CDC42SE2: variants seen among roughly 807,000 people sequenced by gnomAD.
CDC42SE2 encodes the protein CDC42 small effector 2.
A neutral mutation model predicts 11.5 loss-of-function variants in CDC42SE2; 3 were observed. The ratio of observed to expected loss-of-function variants is 0.26; its 90% CI spans 0.12 to 0.67. The LOEUF is 0.67. Among genes scored for constraint, CDC42SE2 ranks in the 30% least tolerant of loss-of-function variants. The pLI is 0.80. For missense variants in CDC42SE2, 82 were observed against 106.8 expected, an observed-to-expected ratio of 0.77 and a Z score of 1.02; for synonymous variants, 33 against 34.8, an observed-to-expected ratio of 0.95 and a Z score of 0.18.
At chr5:131,293,240 C>G (rs1757499103) in intron 1 of CDC42SE2, among the ~76,000 whole-genome samples, 1 of 152,148 alleles carries the variant, frequency 6.6e-6, no homozygotes, top group African/African-American at 2.4e-5. Context: ...TACCCTTCTA[C>G]CATGTGAAGA....
chr5:131,278,728 C>CT (rs1757162050), intron 1 of CDC42SE2, among the ~76,000 whole-genome samples: 2 of 4,940 alleles, frequency 4.0e-4, no homozygotes, highest in Admixed American at 1.3e-3. Context: ...TCCCCTCCCC[C>CT]CTCCCCTCCC....
intron 2 of CDC42SE2, among the ~76,000 whole-genome samples, chr5:131,323,761 A>T (rs1456373309): frequency 6.6e-6 from 1 of 152,078 alleles, no homozygotes; most frequent in Non-Finnish European, 1.5e-5. Flanking sequence ...ATTTTACTTT[A>T]CATGAGAGGA....
chr5:131,326,549 G>A (rs1336927874), intron 2 of CDC42SE2, among the ~76,000 whole-genome samples: 1 of 152,028 alleles, frequency 6.6e-6, no homozygotes, highest in Non-Finnish European at 1.5e-5. Context: ...CAATATATCT[G>A]CTTATACTGT....
chr5:131,334,766 G>C (rs1758512581), intron 2 of CDC42SE2, among the ~76,000 whole-genome samples: 1 of 152,170 alleles, frequency 6.6e-6, no homozygotes, highest in Admixed American at 6.5e-5. Context: ...GGTGTTTATA[G>C]TATTCTCTGA....
At chr5:131,309,024 A>T (rs1034736244) in intron 1 of CDC42SE2, among the ~76,000 whole-genome samples, 14 of 150,700 alleles carry the variant, frequency 9.3e-5, no homozygotes, top group Non-Finnish European at 1.6e-4. Flanking sequence ...GTCTTGTGCC[A>T]GTTTTCAAAG....
intron 2 of CDC42SE2, among the ~76,000 whole-genome samples, chr5:131,350,208 C>T (rs1160748102): frequency 2.0e-5 from 3 of 151,730 alleles, no homozygotes; most frequent in Admixed American, 2.0e-4. Context: ...CAACAAGAAA[C>T]GTATAATTTA....
intron 2 of CDC42SE2, among the ~76,000 whole-genome samples, chr5:131,350,168 T>C (rs1179859540): frequency 6.6e-6 from 1 of 152,008 alleles, no homozygotes; most frequent in Non-Finnish European, 1.5e-5. Flanking sequence ...ATGTAGCAAA[T>C]GAGCAATAAT....
chr5:131,283,603 C>A (rs1480552376), intron 1 of CDC42SE2, among the ~76,000 whole-genome samples: 1 of 151,858 alleles, frequency 6.6e-6, no homozygotes, highest in African/African-American at 2.4e-5. Flanking sequence ...AAGTGATTCT[C>A]CTGCCTCAGC....
chr5:131,220,814 T>A, the CDC42SE2 span, among the ~76,000 whole-genome samples: 1 of 151,960 alleles, frequency 6.6e-6, no homozygotes, highest in African/African-American at 2.4e-5. Context: ...TTGACCACAT[T>A]TCCAAGTCCT....
intron 2 of CDC42SE2, among the ~76,000 whole-genome samples, chr5:131,258,107 C>G (rs1473263693): frequency 6.6e-6 from 1 of 152,186 alleles, no homozygotes. Context: ...ATACTCAACT[C>G]AAGATCCATT....
At chr5:131,351,415 C>G (rs1020421463) in intron 2 of CDC42SE2, among the ~76,000 whole-genome samples, 3 of 152,096 alleles carry the variant, frequency 2.0e-5, no homozygotes, top group African/African-American at 7.3e-5. Context: ...CCACCACGCC[C>G]AGCAAATTTT....
chr5:131,376,350 G>C (rs528553522), intron 3 of CDC42SE2, among the ~76,000 whole-genome samples: 12 of 152,170 alleles, frequency 7.9e-5, no homozygotes, highest in Non-Finnish European at 1.6e-4. Flanking sequence ...TCCCAGATTT[G>C]AAGGGAAGGT....
intron 1 of CDC42SE2, among the ~76,000 whole-genome samples, chr5:131,287,453 G>T (rs1292106371): frequency 1.3e-5 from 2 of 151,232 alleles, no homozygotes; most frequent in Non-Finnish European, 3.0e-5. Context: ...GATGTTTGTA[G>T]AATTTTTTTT....
In CDC42SE2 at chr5:131,281,090, A is replaced by T. The variant is rs577659739; in HGVS notation, c.-455+16924A>T. On this transcript the variant is annotated intron_variant, in intron 1 of 4. Coordinates refer to ENST00000505065, the MANE Select transcript of CDC42SE2 (RefSeq NM_001375635.1). ...TAGCAATTGTAAAAGCAAATCAAAG[A>T]TCCTTTAAGGATTTTTCCTTGATCA... 5.3e-5 allele frequency among the ~76,000 whole-genome samples: 8 copies of T among 152,310 alleles called. No homozygotes were observed. In the South Asian group the frequency reaches 1.7e-3, roughly 32 times the overall value.
intron 2 of CDC42SE2, among the ~76,000 whole-genome samples, chr5:131,323,549 T>G (rs930662254): frequency 3.2e-4 from 4 of 12,516 alleles, no homozygotes; most frequent in Admixed American, 8.9e-4. Flanking sequence ...TCTCTCTGGT[T>G]TTTTTTTTTT....
chr5:131,334,317 C>G (rs1311425004), intron 2 of CDC42SE2, among the ~76,000 whole-genome samples: 2 of 152,180 alleles, frequency 1.3e-5, no homozygotes, highest in Non-Finnish European at 2.9e-5. Context: ...AGGAAGCCCA[C>G]TTGATCATGG....
chr5:131,280,343 A>G (rs1290182776), intron 1 of CDC42SE2, among the ~76,000 whole-genome samples: 2 of 152,236 alleles, frequency 1.3e-5, no homozygotes, highest in African/African-American at 2.4e-5. Context: ...TTTGATGAAC[A>G]TCCTTCCAGA....
the CDC42SE2 span, among the ~76,000 whole-genome samples, chr5:131,235,367 G>T: frequency 6.7e-6 from 1 of 149,316 alleles, no homozygotes; most frequent in Admixed American, 6.7e-5. Flanking sequence ...TCGGCTCACT[G>T]CAACCTCTGC....
chr5:131,392,732 G>GTTTC lies in CDC42SE2; in HGVS notation c.*1645_*1648dup, dbSNP rs1288649858. The GTTTC allele has an allele frequency of 2.6e-5, 4 of 152,354 alleles. No individual in the cohort carries two copies. The highest frequency in any genetic ancestry group is 1.9e-4 in the East Asian group (1 of 5,322). 9.4% of individuals were successfully genotyped at this position (152,354 alleles called of 1,614,324 possible). A position where few individuals can be genotyped will look rare whatever the true frequency, so the allele number is the denominator to read the frequency against. On this transcript the variant is annotated 3_prime_UTR_variant, in exon 5 of 5. Transcript: ENST00000505065. ...TCTTCATCTTATTAATTAGCTGTTC[G>GTTTC]TTTCTTTGTGCACTCATTCTTTTAT...
Sources: allele counts gnomAD v4.1 joint callset (sites outside exome capture counted in the v4.1 genomes callset), GRCh38; gene constraint gnomAD v4.1.1; transcripts MANE v1.5; gene names NCBI Gene and HGNC (gene_info 2026-07-23, HGNC 2026-07-21).